Variants in UGT1A10 observed in about 807,000 individuals in gnomAD.
The protein encoded by UGT1A10 is UDP glucuronosyltransferase family 1 member A10, also known as UDP-glucuronosyltransferase 1A10.
In UGT1A10, 49 loss-of-function variants were observed where a neutral mutation model predicts 45.8. That is an observed-to-expected ratio of 1.07 (90% CI 0.85 to 1.36). UGT1A10 has a LOEUF of 1.36. Among genes scored for constraint, UGT1A10 ranks in the 40% most tolerant of loss-of-function variants. The pLI, the probability that UGT1A10 is intolerant of heterozygous loss-of-function variation, is 0.00. For synonymous variants in UGT1A10, 284 were observed against 249.7 expected (o/e 1.14, Z -1.29); for missense variants, 745 against 668.6 (o/e 1.11, Z -1.26).
chr2:233,671,915 C>T (rs2074202240), intron 1 of UGT1A10: 1 of 1,586,326 alleles, frequency 6.3e-7, no homozygotes, highest in African/African-American at 1.3e-5. Flanking sequence ...CAGCTGCTTG[C>T]TCTCAGCTGC....
rs1171527500 is a variant in UGT1A10, at chr2:233,760,898, T to C, written c.856-6136T>C. 2 of 1,613,998 alleles carry C rather than the reference T, an allele frequency of 1.2e-6. No homozygotes were observed. Among genetic ancestry groups the C allele is most frequent in the Non-Finnish European group, 1.7e-6 (2 of 1,180,014 alleles). On this transcript the variant is annotated intron_variant, in intron 1 of 4. Transcript: ENST00000344644. ...CCTCTCTCCTCTCATTCAGATCACA[T>C]GACCTTCCTGCAGCGGGTGAAGAAC...
At chr2:233,744,357 G>A (rs1350694311) in intron 1 of UGT1A10, among the ~76,000 whole-genome samples, 2 of 151,858 alleles carry the variant, frequency 1.3e-5, no homozygotes, top group South Asian at 2.1e-4. Context: ...AAGACATCCT[G>A]TTGTTTAGGA....
intron 1 of UGT1A10, among the ~76,000 whole-genome samples, chr2:233,641,417 C>T (rs895613795): frequency 4.6e-5 from 7 of 152,152 alleles, no homozygotes; most frequent in African/African-American, 1.7e-4. Context: ...TTGCTCCCTA[C>T]TTTTTAACTC....
chr2:233,652,178 T>C (rs1013745966), intron 1 of UGT1A10, among the ~76,000 whole-genome samples: 3 of 152,190 alleles, frequency 2.0e-5, no homozygotes, highest in Non-Finnish European at 4.4e-5. Flanking sequence ...CCCCCATTGC[T>C]CTAAGATCTG....
At chr2:233,737,834 G>C (rs1690605119) in intron 1 of UGT1A10, among the ~76,000 whole-genome samples, 1 of 151,982 alleles carries the variant, frequency 6.6e-6, no homozygotes, top group Admixed American at 6.5e-5. Context: ...ATTGGGAACT[G>C]TGGCACAGGT....
At position 233,772,370 on chromosome 2, in the gene UGT1A10, G is replaced by A. The variant is rs587784537; in HGVS notation, c.1404G>A (p.Ala468=). The A allele has an allele frequency of 2.5e-6, 4 of 1,614,248 alleles. No homozygotes were observed. The highest frequency in any genetic ancestry group is 1.6e-4 in the Middle Eastern group (1 of 6,062). ...WVEFVMRHKG[A]PHLRPAAHDL... The stretch of plus-strand genomic sequence containing the variant: ...AGTTTGTGATGAGGCACAAGGGCGC[G>A]CCACACCTGCGCCCCGCAGCCCACG... Residue 468 remains alanine, a synonymous_variant, in exon 5 of 5, where the codon GCG becomes GCA. Transcript: ENST00000344644.
intron 1 of UGT1A10, among the ~76,000 whole-genome samples, chr2:233,734,753 G>A (rs1356285127): frequency 1.3e-5 from 2 of 152,142 alleles, no homozygotes; most frequent in Non-Finnish European, 2.9e-5. Flanking sequence ...CTTTATTTCT[G>A]CCTTCACTTC....
At chr2:233,757,576 G>A (rs1017226223) in intron 1 of UGT1A10, among the ~76,000 whole-genome samples, 2 of 82,708 alleles carry the variant, frequency 2.4e-5, no homozygotes, top group African/African-American at 1.1e-4. Flanking sequence ...ATATGATATA[G>A]CTATAGTCTA....
chr2:233,657,069 T>C, intron 1 of UGT1A10, among the ~76,000 whole-genome samples: 1 of 152,156 alleles, frequency 6.6e-6, no homozygotes, highest in East Asian at 1.9e-4. Context: ...CTTCTTTCCT[T>C]TGGTCTACCC....
intron 3 of UGT1A10, 49 bp from the exon 4 acceptor site, chr2:233,768,166 AGCTGT>A: frequency 6.2e-7 from 1 of 1,613,684 alleles, no homozygotes; most frequent in South Asian, 1.1e-5. Flanking sequence ...AGATGTGTCC[AGCTGT>A]GAAACTCAGA....
intron 1 of UGT1A10, among the ~76,000 whole-genome samples, chr2:233,639,352 C>G (rs991435334): frequency 6.6e-6 from 1 of 152,126 alleles, no homozygotes; most frequent in African/African-American, 2.4e-5. Context: ...CAGAGGAATT[C>G]GATCTCAAAG....
At chr2:233,691,200 C>T (rs902626120) in intron 1 of UGT1A10, 11 of 985,544 alleles carry the variant, frequency 1.1e-5, no homozygotes, top group Non-Finnish European at 1.3e-5. Flanking sequence ...GACCTGAGCT[C>T]TGTTCCCTTT....
intron 1 of UGT1A10, among the ~76,000 whole-genome samples, chr2:233,640,348 T>C (rs1427077512): frequency 6.6e-6 from 1 of 152,198 alleles, no homozygotes; most frequent in African/African-American, 2.4e-5. Context: ...GTCATTTTTT[T>C]AGTGGAAATT....
At chr2:233,760,185 T>G in intron 1 of UGT1A10, 4 of 1,555,156 alleles carry the variant, frequency 2.6e-6, no homozygotes, top group Non-Finnish European at 3.5e-6. Context: ...CTTTTTATAG[T>G]CACGTGACAC....
intron 1 of UGT1A10, chr2:233,689,938 A>C (rs1272581952): frequency 2.2e-6 from 1 of 456,646 alleles, no homozygotes; most frequent in Non-Finnish European, 4.4e-6. Context: ...AAAGAACCCA[A>C]GATTTTCCTT....
At chr2:233,650,889 C>T (rs552721249) in intron 1 of UGT1A10, among the ~76,000 whole-genome samples, 4 of 152,258 alleles carry the variant, frequency 2.6e-5, no homozygotes, top group Non-Finnish European at 4.4e-5. Context: ...GATGATCCCT[C>T]ATCTATTACT....
intron 1 of UGT1A10, chr2:233,755,226 G>C: frequency 1.0e-6 from 1 of 975,544 alleles, no homozygotes; most frequent in South Asian, 1.3e-5. Flanking sequence ...ACCCTCGGAC[G>C]AGGCCTACCG....
intron 1 of UGT1A10, among the ~76,000 whole-genome samples, chr2:233,705,135 TGA>T (rs1491386088): frequency 0.019 from 1,905 of 98,440 alleles, 46 homozygotes; most frequent in African/African-American, 0.1. Context: ...AGACTTCGTC[TGA>T]AAAAAAAAAA....
intron 1 of UGT1A10, among the ~76,000 whole-genome samples, chr2:233,638,902 G>T (rs899083794): frequency 6.6e-6 from 1 of 152,212 alleles, no homozygotes; most frequent in African/African-American, 2.4e-5. Flanking sequence ...GCGAGGAGAT[G>T]CAAGTTGCAG....
Sources: allele counts gnomAD v4.1 joint callset (sites outside exome capture counted in the v4.1 genomes callset), GRCh38; gene constraint gnomAD v4.1.1; transcripts MANE v1.5; gene names NCBI Gene and HGNC (gene_info 2026-07-23, HGNC 2026-07-21).